The following FREM1 variants were observed in gnomAD, a reference collection of about 807,000 sequenced individuals.
FREM1 encodes FRAS1-related extracellular matrix protein 1.
Under a neutral mutation model 210.1 loss-of-function variants are expected in FREM1, and 220 were observed. The ratio of observed to expected loss-of-function variants is 1.05; its 90% confidence interval spans 0.94 to 1.17. The LOEUF (loss-of-function observed/expected upper bound fraction) is 1.17, where lower values mean the gene tolerates loss of function less well. Among genes scored for constraint, FREM1 ranks in the 50% most tolerant of loss-of-function variants. The pLI is 0.00. For synonymous variants in FREM1, 1,189 were observed against 980.2 expected, an observed-to-expected ratio of 1.21 and a Z score of -3.98; for missense variants, 3,454 against 2,675.5, an observed-to-expected ratio of 1.29 and a Z score of -6.42.
At position 14,909,969 on chromosome 9, in the gene FREM1, C is replaced by T. The variant is rs1818451096; in HGVS notation, c.-323G>A. 1 of 152,122 alleles carries T rather than the reference C, an allele frequency of 6.6e-6. No homozygotes were observed. Among genetic ancestry groups the T allele is most frequent in the African/African-American group, 2.4e-5 (1 of 41,410 alleles). 9.4% of individuals were successfully genotyped at this position (152,122 alleles called of 1,614,324 possible). A position where few individuals can be genotyped will look rare whatever the true frequency, so the allele number is the denominator to read the frequency against. ...GTTAGAAACCCTTGGAACTGGCGGGCAGGATAAGAGTCACTGACACAGCAA... is the reference window on the plus strand; with the variant it reads ...GTTAGAAACCCTTGGAACTGGCGGGTAGGATAAGAGTCACTGACACAGCAA... On this transcript the variant is annotated 5_prime_UTR_variant, in exon 1 of 37. Transcript: ENST00000380880.
In FREM1 at chr9:14,797,489, G is replaced by A. The variant is rs200118383; in HGVS notation, c.3839+9C>T. On this transcript the variant is annotated intron_variant, in intron 21 of 36. Coordinates refer to ENST00000380880, the MANE Select transcript of FREM1 (RefSeq NM_001379081.2). The stretch of plus-strand genomic sequence containing the variant: ...GAAATCTGAAAGGGACTCTTTTCAG[G>A]TAGCTTACTTGCTCAGCATTGGTTT... 8.7e-5 allele frequency: 139 copies of A among 1,600,104 alleles called. No homozygotes were observed. Among genetic ancestry groups the A allele is most frequent in the Middle Eastern group, 1.7e-4 (1 of 6,002 alleles).
chr9:14,875,375 C>T (rs968850662), intron 1 of FREM1, among the ~76,000 whole-genome samples: 1 of 152,082 alleles, frequency 6.6e-6, no homozygotes, highest in Non-Finnish European at 1.5e-5. Context: ...TGTTCATTTC[C>T]TTTTATTCTT....
At chr9:14,862,764 C>G (rs951439444) in intron 3 of FREM1, among the ~76,000 whole-genome samples, 2 of 152,162 alleles carry the variant, frequency 1.3e-5, no homozygotes, top group Non-Finnish European at 2.9e-5. Flanking sequence ...GCTTCTTTTA[C>G]TTGGCATAAT....
At position 14,805,324 on chromosome 9, in the gene FREM1, T is replaced by G. The variant is rs185972100; in HGVS notation, c.3275-172A>C. Among the ~76,000 whole-genome samples the G allele has an allele frequency of 1.4e-3, 214 of 152,326 alleles. 1 individual carries two copies. Among genetic ancestry groups the G allele is most frequent in the African/African-American group, 4.8e-3 (198 of 41,560 alleles). ...CTGCTACAACAGCCAACCATCAACA[T>G]AAAGGCAGATATCCACAGATCATAC... is the stretch of plus-strand genomic sequence containing the variant. On this transcript the variant is annotated intron_variant, in intron 18 of 36. Coordinates refer to ENST00000380880, the MANE Select transcript of FREM1 (RefSeq NM_001379081.2).
intron 1 of FREM1, among the ~76,000 whole-genome samples, chr9:14,875,522 C>T (rs144538058): frequency 0.03 from 4,596 of 152,296 alleles, 210 homozygotes; most frequent in African/African-American, 0.095. Flanking sequence ...GCTTTCAGCT[C>T]CATCAGTGCC....
intron 15 of FREM1, among the ~76,000 whole-genome samples, chr9:14,813,815 G>A (rs1819827171): frequency 6.6e-6 from 1 of 152,172 alleles, no homozygotes; most frequent in South Asian, 2.1e-4. Flanking sequence ...CTTGGTGTGT[G>A]CTGCAAGGCT....
chr9:14,853,961 G>T (rs573038089), intron 5 of FREM1, among the ~76,000 whole-genome samples: 4 of 152,292 alleles, frequency 2.6e-5, no homozygotes, highest in Admixed American at 6.5e-5. Context: ...TACAAATGAT[G>T]AAAGAGCTTA....
chr9:14,739,528 T>C (rs1270808156), intron 36 of FREM1, among the ~76,000 whole-genome samples: 1 of 146,282 alleles, frequency 6.8e-6, no homozygotes, highest in Non-Finnish European at 1.5e-5. Context: ...TATTCCAATA[T>C]GTAAATATTA....
intron 1 of FREM1, among the ~76,000 whole-genome samples, chr9:14,874,021 TGGTCTGAGGG>T (rs893364638): frequency 6.6e-6 from 1 of 152,236 alleles, no homozygotes; most frequent in African/African-American, 2.4e-5. Context: ...CATTGCACTG[TGGTCTGAGGG>T]ACAGTTTGTT....
intron 1 of FREM1, among the ~76,000 whole-genome samples, chr9:14,877,955 A>G (rs190271387): frequency 2.2e-4 from 33 of 152,350 alleles, no homozygotes; most frequent in Non-Finnish European, 3.8e-4. Flanking sequence ...TCCAGAATCC[A>G]GCTACTTCTT....
At chr9:14,745,791 C>T (rs980637816) in intron 35 of FREM1, among the ~76,000 whole-genome samples, 3 of 152,152 alleles carry the variant, frequency 2.0e-5, no homozygotes, top group African/African-American at 7.2e-5. Context: ...GGACTACATA[C>T]ATTGGTTGTC....
Position 14,775,934 on chromosome 9 carries a change from T to C in FREM1, c.4712A>G (p.Asp1571Gly), listed in dbSNP as rs774692331. 4 of 1,613,838 alleles carry C rather than the reference T, an allele frequency of 2.5e-6. No individual in the cohort carries two copies. The African/African-American group carries it at 5.3e-5, about 22-fold the overall frequency. ...GLLQHNFTQQDVDSKNVAYRH... is the reference protein window; with the variant it reads ...GLLQHNFTQQGVDSKNVAYRH... ...ATAGGCCACATTCTTGCTGTCCACA[T>C]CCTGCTGGGTGAAATTGTGTTGAAG... The change falls in exon 25 of 37, where the codon GAT becomes GGT. Residue 1571 changes from aspartate (D) to glycine (G), a missense_variant. Physicochemically the swap from Asp to Gly is moderately conservative, Grantham distance 94. Coordinates refer to ENST00000380880, the MANE Select transcript of FREM1 (RefSeq NM_001379081.2).
chr9:14,812,610 G>A (rs1819600499), intron 16 of FREM1, among the ~76,000 whole-genome samples: 1 of 152,150 alleles, frequency 6.6e-6, no homozygotes, highest in Admixed American at 6.5e-5. Context: ...TTTCTCCGCT[G>A]TTTGAAATTC....
intron 1 of FREM1, among the ~76,000 whole-genome samples, chr9:14,902,474 A>T (rs1297081630): frequency 6.6e-6 from 1 of 152,226 alleles, no homozygotes; most frequent in African/African-American, 2.4e-5. Context: ...GCACAAAAGC[A>T]ACTTACAAAG....
At chr9:14,806,516 A>G in intron 18 of FREM1, 145 bp downstream of exon 18, 1 of 595,728 alleles carries the variant, frequency 1.7e-6, no homozygotes, top group Non-Finnish European at 3.0e-6. Context: ...GGCCTCCCAA[A>G]GTGCTGGGAT....
intron 3 of FREM1, among the ~76,000 whole-genome samples, chr9:14,861,312 C>CAT (rs1364052271): frequency 9.7e-6 from 1 of 103,532 alleles, no homozygotes; most frequent in Admixed American, 9.8e-5. Flanking sequence ...CACATATATA[C>CAT]ATATATACAC....
intron 16 of FREM1, among the ~76,000 whole-genome samples, chr9:14,809,531 T>C (rs1016658506): frequency 3.3e-5 from 5 of 152,118 alleles, no homozygotes; most frequent in African/African-American, 1.2e-4. Flanking sequence ...ATGAGAAAAC[T>C]GGGCTTAAAA....
rs1825874508 is a variant in FREM1, at chr9:14,842,579, T to C, written c.1475A>G (p.Lys492Arg). Reference protein sequence around the residue: ...RYHHDDSDSTKDFVVFRIFDG... With the variant: ...RYHHDDSDSTRDFVVFRIFDG... Reference sequence around the variant, plus strand: ...AAATATCCGGAAGACCACGAAGTCTTTGGTGGAGTCGCTGTCATCATGATG... The same window carrying C: ...AAATATCCGGAAGACCACGAAGTCTCTGGTGGAGTCGCTGTCATCATGATG... Residue 492 changes from lysine to arginine, a missense_variant, in exon 9 of 37, where the codon AAA (lysine) becomes AGA (arginine). Coordinates refer to ENST00000380880, the MANE Select transcript of FREM1 (RefSeq NM_001379081.2). The C allele has an allele frequency of 1.2e-6, 2 of 1,613,880 alleles. No individual in the cohort carries two copies. The highest frequency in any genetic ancestry group is 1.7e-6 in the Non-Finnish European group (2 of 1,179,878).
chr9:14,747,138 T>G, intron 33 of FREM1, 87 bp from the exon 34 acceptor site: 1 of 1,592,560 alleles, frequency 6.3e-7, no homozygotes, highest in Non-Finnish European at 8.6e-7. Context: ...CTTCATTTGT[T>G]GGGAAGCATT....
Sources: gnomAD v4.1 joint callset for allele counts (sites outside exome capture counted in the v4.1 genomes callset) on GRCh38, gnomAD v4.1.1 for gene constraint, MANE v1.5 for transcripts, NCBI Gene and HGNC (gene_info 2026-07-23, HGNC 2026-07-21) for gene names.